The following PDS5B variants were observed in gnomAD, a reference collection of about 807,000 sequenced individuals.
The protein encoded by PDS5B is sister chromatid cohesion protein PDS5 homolog B.
In PDS5B, 51 loss-of-function variants were observed where a neutral mutation model predicts 184.1. The ratio of observed to expected loss-of-function variants is 0.28; its 90% CI spans 0.22 to 0.35. The LOEUF is 0.35. Ranked by LOEUF, PDS5B falls within the 10% of genes least tolerant of loss-of-function variation. The probability of loss-of-function intolerance (pLI) is 1.00; values close to 1 mark genes in which losing one functional copy is unlikely to be tolerated. For missense variants in PDS5B, 1,180 were observed against 1,723.3 expected (o/e 0.68, Z 5.58); for synonymous variants, 566 against 569.2 (o/e 0.99, Z 0.08).
chr13:32,676,314 T>C (rs1951062111), intron 9 of PDS5B, among the ~76,000 whole-genome samples: 2 of 152,182 alleles, frequency 1.3e-5, no homozygotes, highest in African/African-American at 4.8e-5. Flanking sequence ...TTTGGAGATA[T>C]TGACAGGATA....
intron 1 of PDS5B, among the ~76,000 whole-genome samples, chr13:32,610,634 T>C (rs918697181): frequency 1.3e-5 from 2 of 151,306 alleles, no homozygotes; most frequent in Non-Finnish European, 2.9e-5. Flanking sequence ...TTTTTTTTGC[T>C]TTAAAAATCT....
Position 32,658,223 on chromosome 13 carries a change from T to C in PDS5B, c.313-16T>C. 2 of 1,214,452 alleles carry C rather than the reference T, an allele frequency of 1.6e-6. No homozygotes were observed. Among genetic ancestry groups the C allele is most frequent in the Non-Finnish European group, 2.4e-6 (2 of 835,978 alleles). 75.2% of individuals were successfully genotyped at this position (1,214,452 alleles called of 1,614,324 possible). A position where few individuals can be genotyped will look rare whatever the true frequency, so the allele number is the denominator to read the frequency against. On this transcript the variant is annotated splice_polypyrimidine_tract_variant and intron_variant, in intron 3 of 34. Transcript: ENST00000315596. Reference sequence around the variant, plus strand: ...CGTTCATAATCTAAATGGCACTTTGTCTTTTTTTATTTAAGGATATATTTA... The same window carrying C: ...CGTTCATAATCTAAATGGCACTTTGCCTTTTTTTATTTAAGGATATATTTA...
chr13:32,710,208 G>A (rs988821384), intron 19 of PDS5B, 102 bp downstream of exon 19: 13 of 760,416 alleles, frequency 1.7e-5, no homozygotes, highest in Non-Finnish European at 2.3e-5. Context: ...AGGAAAAACT[G>A]TCTAGGTTAT....
At chr13:32,636,790 A>G (rs1035399877) in intron 1 of PDS5B, among the ~76,000 whole-genome samples, 1 of 152,254 alleles carries the variant, frequency 6.6e-6, no homozygotes, top group African/African-American at 2.4e-5. Flanking sequence ...ATTTGTATTT[A>G]CATTTATGAT....
intron 14 of PDS5B, among the ~76,000 whole-genome samples, chr13:32,695,972 A>G (rs1489554691): frequency 6.6e-6 from 1 of 152,104 alleles, no homozygotes; most frequent in Non-Finnish European, 1.5e-5. Flanking sequence ...AACAGAATGG[A>G]GGAGGATAGC....
chr13:32,587,220 G>A (rs1334127747), intron 1 of PDS5B, among the ~76,000 whole-genome samples: 1 of 151,158 alleles, frequency 6.6e-6, no homozygotes, highest in Non-Finnish European at 1.5e-5. Flanking sequence ...TCGGGCCAGG[G>A]GACGGGCTGA....
chr13:32,675,757 C>T (rs933019587), intron 8 of PDS5B, 87 bp from the exon 9 acceptor site: 1 of 666,266 alleles, frequency 1.5e-6, no homozygotes. Context: ...GGAATTGGAG[C>T]ATCAGGGAAA....
intron 6 of PDS5B, among the ~76,000 whole-genome samples, chr13:32,667,238 C>T (rs372625943): frequency 6.6e-5 from 10 of 152,146 alleles, no homozygotes; most frequent in Middle Eastern, 6.8e-3. Context: ...ATCTTCCGCC[C>T]GTACTTTACT....
In PDS5B at chr13:32,773,330, T is replaced by C. The variant is rs1954853793; in HGVS notation, c.4308+6T>C. 2 of 1,605,518 alleles carry C rather than the reference T, an allele frequency of 1.2e-6. No homozygotes were observed. Among genetic ancestry groups the C allele is most frequent in the Non-Finnish European group, 1.7e-6 (2 of 1,176,902 alleles). ...AGGAAGTTTCTACAGTAAATGTATG[T>C]GTTCAAAGTTTCTGTGAGTGGTGTG... On this transcript the variant is annotated splice_donor_region_variant and intron_variant, in intron 34 of 34. Coordinates refer to ENST00000315596, the MANE Select transcript of PDS5B (RefSeq NM_015032.4).
intron 20 of PDS5B, 71 bp from the exon 21 acceptor site, chr13:32,735,101 A>G: frequency 1.1e-6 from 1 of 917,450 alleles, no homozygotes; most frequent in Non-Finnish European, 1.5e-6. Context: ...TGTAATTTGA[A>G]AATGAAATAT....
intron 23 of PDS5B, among the ~76,000 whole-genome samples, chr13:32,743,119 C>G (rs116639182): frequency 6.6e-6 from 1 of 151,382 alleles, no homozygotes; most frequent in African/African-American, 2.4e-5. Flanking sequence ...TAAAGATGTA[C>G]CTGAAGTAAA....
At chr13:32,719,536 C>T (rs1359464233) in intron 19 of PDS5B, among the ~76,000 whole-genome samples, 3 of 151,594 alleles carry the variant, frequency 2.0e-5, no homozygotes, top group South Asian at 2.1e-4. Context: ...CTATGTGTTA[C>T]CCCCCACTCC....
chr13:32,616,771 A>G (rs2058226725), intron 1 of PDS5B, among the ~76,000 whole-genome samples: 1 of 152,226 alleles, frequency 6.6e-6, no homozygotes, highest in Non-Finnish European at 1.5e-5. Flanking sequence ...TTGTTCCTTA[A>G]CAATTCAAGA....
chr13:32,756,104 T>A (rs1954167832), intron 26 of PDS5B, 148 bp downstream of exon 26: 1 of 492,404 alleles, frequency 2.0e-6, no homozygotes, highest in Non-Finnish European at 3.6e-6. Flanking sequence ...TTGTCTTTCT[T>A]TTTTCATACC....
rs202047498 is a variant in PDS5B, at chr13:32,758,699, T to C, written c.3309+46T>C. ...TTGTGTAAGTTGAAATAAAATGTAT[T>C]CTCAGCACTGGATTGTAGGAAGATC... On this transcript the variant is annotated intron_variant, in intron 28 of 34. Transcript: ENST00000315596. 5 of 1,583,232 alleles carry C rather than the reference T, an allele frequency of 3.2e-6. No individual in the cohort carries two copies. The African/African-American group carries it at 4.0e-5, about 13-fold the overall frequency.
chr13:32,631,692 T>C (rs2058458303), intron 1 of PDS5B, among the ~76,000 whole-genome samples: 2 of 152,092 alleles, frequency 1.3e-5, no homozygotes, highest in African/African-American at 4.8e-5. Context: ...AAATTAGGAG[T>C]TCTTACCTAA....
rs974700949 is a variant in PDS5B, at chr13:32,687,120, T to C, written c.1204-14T>C. 6 of 1,575,968 alleles carry C rather than the reference T, an allele frequency of 3.8e-6. No individual in the cohort carries two copies. The highest frequency in any genetic ancestry group is 2.0e-5 in the Admixed American group (1 of 49,508). Reference sequence around the variant, plus strand: ...AGCCTTTTTACATTATAAATAAAACTTTTTGTTTTTAAGTGGAGAGTACGC... The same window carrying C: ...AGCCTTTTTACATTATAAATAAAACCTTTTGTTTTTAAGTGGAGAGTACGC... On this transcript the variant is annotated splice_polypyrimidine_tract_variant and intron_variant, in intron 11 of 34. Transcript: ENST00000315596.
intron 17 of PDS5B, 52 bp from the exon 18 acceptor site, chr13:32,706,882 T>C (rs971978389): frequency 6.4e-6 from 7 of 1,095,154 alleles, no homozygotes; most frequent in Middle Eastern, 2.0e-4. Flanking sequence ...ATTATTTTTC[T>C]TAGACATTGC....
chr13:32,776,646 G>A lies in PDS5B; in HGVS notation c.*1594G>A, dbSNP rs1371031324. 1 of 152,192 alleles carries A rather than the reference G, an allele frequency of 6.6e-6. No individual in the cohort carries two copies. The highest frequency in any genetic ancestry group is 1.9e-4 in the East Asian group (1 of 5,204). 9.4% of individuals were successfully genotyped at this position (152,192 alleles called of 1,614,324 possible). ...TATTAAATTTATCACATTGAATAGT[G>A]GAACATTTTCATATGATACACCATT... On this transcript the variant is annotated 3_prime_UTR_variant, in exon 35 of 35. Transcript: ENST00000315596.
Sources: allele counts gnomAD v4.1 joint callset (sites outside exome capture counted in the v4.1 genomes callset), GRCh38; gene constraint gnomAD v4.1.1; transcripts MANE v1.5; gene names NCBI Gene and HGNC (gene_info 2026-07-23, HGNC 2026-07-21).